Variants in CMIP observed in about 807,000 individuals in gnomAD.
CMIP encodes C-Maf-inducing protein.
Under a neutral mutation model 97.3 loss-of-function variants are expected in CMIP, and 13 were observed. The ratio of observed to expected loss-of-function variants is 0.13; its 90% confidence interval spans 0.09 to 0.21. The LOEUF is 0.21. Among genes scored for constraint, CMIP ranks in the 10% least tolerant of loss-of-function variants. The probability of loss-of-function intolerance (pLI) is 1.00; values close to 1 mark genes in which losing one functional copy is unlikely to be tolerated. For synonymous variants in CMIP, 538 were observed against 436.3 expected, an observed-to-expected ratio of 1.23 and a Z score of -2.91; for missense variants, 847 against 1,024.9, an observed-to-expected ratio of 0.83 and a Z score of 2.37.
intron 1 of CMIP, among the ~76,000 whole-genome samples, chr16:81,509,549 G>A (rs563513134): frequency 1.3e-5 from 2 of 152,178 alleles, no homozygotes; most frequent in Admixed American, 1.3e-4. Context: ...TGATGTGCAG[G>A]TACTCGGGGG....
At chr16:81,667,032 G>A (rs2092611833) in intron 7 of CMIP, 1 of 151,810 alleles carries the variant, frequency 6.6e-6, no homozygotes, top group Non-Finnish European at 1.5e-5. Flanking sequence ...TGAGCCTGTT[G>A]GGGTGGCATG....
At chr16:81,504,821 G>GGT (rs1567548428) in intron 1 of CMIP, among the ~76,000 whole-genome samples, 1 of 152,112 alleles carries the variant, frequency 6.6e-6, no homozygotes, top group Non-Finnish European at 1.5e-5. Context: ...CAAGAGTGAG[G>GGT]GTGTGGAACC....
intron 3 of CMIP, among the ~76,000 whole-genome samples, chr16:81,625,156 C>G (rs2092044697): frequency 6.6e-6 from 1 of 152,230 alleles, no homozygotes; most frequent in African/African-American, 2.4e-5. Flanking sequence ...CCTCCCAGCC[C>G]TCCCGGCCTG....
chr16:81,474,404 C>G (rs1310096770), intron 1 of CMIP, among the ~76,000 whole-genome samples: 1 of 152,130 alleles, frequency 6.6e-6, no homozygotes, highest in Non-Finnish European at 1.5e-5. Flanking sequence ...CTTTCCTTCA[C>G]TCCCTTCCTC....
At chr16:81,574,682 A>G (rs1233543716) in intron 1 of CMIP, among the ~76,000 whole-genome samples, 1 of 152,204 alleles carries the variant, frequency 6.6e-6, no homozygotes, top group African/African-American at 2.4e-5. Flanking sequence ...ACTTCTGAGT[A>G]GGTTTGATGT....
intron 1 of CMIP, among the ~76,000 whole-genome samples, chr16:81,470,183 A>G (rs1319299116): frequency 6.6e-6 from 1 of 152,272 alleles, no homozygotes; most frequent in Non-Finnish European, 1.5e-5. Flanking sequence ...TGAAAGCAAT[A>G]GGGAAATAAA....
At chr16:81,687,493 G>A (rs1226789653) in intron 10 of CMIP, among the ~76,000 whole-genome samples, 1 of 152,204 alleles carries the variant, frequency 6.6e-6, no homozygotes, top group Non-Finnish European at 1.5e-5. Flanking sequence ...CGGAACCCAG[G>A]TGGGGGAACT....
At chr16:81,669,556 C>T (rs992915745) in intron 7 of CMIP, among the ~76,000 whole-genome samples, 2 of 145,918 alleles carry the variant, frequency 1.4e-5, no homozygotes, top group African/African-American at 2.5e-5. Flanking sequence ...ACACCCACTT[C>T]ATACTTCCTT....
chr16:81,679,703 C>T (rs951704823), intron 10 of CMIP, among the ~76,000 whole-genome samples: 2 of 152,010 alleles, frequency 1.3e-5, no homozygotes, highest in Non-Finnish European at 2.9e-5. Context: ...GCCTGTCCCT[C>T]CCCGTCCCTG....
rs556915678 is a variant in CMIP at position 81,626,439 on chromosome 16, A to G, written c.477+5513A>G. 5.0e-5 allele frequency among the ~76,000 whole-genome samples: 6 copies of G among 120,602 alleles called. No homozygotes were observed. In the South Asian group the frequency reaches 1.1e-3, roughly 22 times the overall value. 79.1% of individuals were successfully genotyped at this position (120,602 alleles called of 152,430 possible). A position where few individuals can be genotyped will look rare whatever the true frequency, so the allele number is the denominator to read the frequency against. Reference sequence around the variant, plus strand: ...ATGAGTGTGTGTGGGGTGTGGGATGACTATCTTATGAGTGTGTGTGTGTAT... The same window carrying G: ...ATGAGTGTGTGTGGGGTGTGGGATGGCTATCTTATGAGTGTGTGTGTGTAT... On this transcript the variant is annotated intron_variant, in intron 3 of 20. Coordinates refer to ENST00000537098, the MANE Select transcript of CMIP (RefSeq NM_198390.3).
In CMIP at chr16:81,648,064, C is replaced by T. The variant is rs191221192; in HGVS notation, c.478-4139C>T. Among the ~76,000 whole-genome samples, 1,148 of 148,048 alleles carry T rather than the reference C, an allele frequency of 7.8e-3. 3 individuals carry two copies. The highest frequency in any genetic ancestry group is 0.013 in the Non-Finnish European group (861 of 67,122). ...CTCCCCCTGCTGCTTCCACCGCCTT[C>T]TGGTTACCTGGCCTCCACTCTCAGA... On this transcript the variant is annotated intron_variant, in intron 3 of 20. Coordinates refer to ENST00000537098, the MANE Select transcript of CMIP (RefSeq NM_198390.3).
intron 1 of CMIP, among the ~76,000 whole-genome samples, chr16:81,528,453 T>C (rs2090173180): frequency 6.6e-6 from 1 of 152,142 alleles, no homozygotes. Context: ...TGCTCATGCA[T>C]TGAATTGATA....
intron 7 of CMIP, among the ~76,000 whole-genome samples, chr16:81,667,794 G>GAGAGAGAGAC: frequency 1.0e-5 from 1 of 98,084 alleles, no homozygotes; most frequent in African/African-American, 4.4e-5. Flanking sequence ...GAGAGAGAGA[G>GAGAGAGAGAC]AGAGAGTGTG....
intron 8 of CMIP, among the ~76,000 whole-genome samples, chr16:81,670,771 G>T (rs2092676282): frequency 1.3e-5 from 2 of 152,124 alleles, no homozygotes; most frequent in Non-Finnish European, 2.9e-5. Context: ...CATGGAGAAT[G>T]CTGCGGAAGT....
At chr16:81,681,714 T>C (rs1904893595) in intron 10 of CMIP, among the ~76,000 whole-genome samples, 2 of 152,246 alleles carry the variant, frequency 1.3e-5, no homozygotes. Context: ...ACACCTGGAT[T>C]GCAGGAAACT....
intron 3 of CMIP, among the ~76,000 whole-genome samples, chr16:81,626,473 T>G (rs2092066161): frequency 7.0e-6 from 1 of 143,382 alleles, no homozygotes; most frequent in Admixed American, 7.0e-5. Context: ...ATGTGTGGCA[T>G]GTGGGGTGAC....
At chr16:81,663,099 A>C (rs75934763) in intron 6 of CMIP, among the ~76,000 whole-genome samples, 2 of 22,284 alleles carry the variant, frequency 9.0e-5, no homozygotes, top group Non-Finnish European at 1.5e-4. Flanking sequence ...TTTAACTCCA[A>C]AAAAAAAAAA....
At chr16:81,546,368 C>T (rs1466222029) in intron 1 of CMIP, among the ~76,000 whole-genome samples, 7 of 152,150 alleles carry the variant, frequency 4.6e-5, no homozygotes, top group Admixed American at 2.6e-4. Flanking sequence ...GCATGTAGGG[C>T]GGCGGTCCCT....
At chr16:81,681,756 G>C (rs186854524) in intron 10 of CMIP, among the ~76,000 whole-genome samples, 6 of 152,292 alleles carry the variant, frequency 3.9e-5, no homozygotes, top group Admixed American at 3.9e-4. Context: ...TGCAGCCGTG[G>C]GCCTGAGCTG....
Sources: allele counts gnomAD v4.1 joint callset (sites outside exome capture counted in the v4.1 genomes callset), GRCh38; gene constraint gnomAD v4.1.1; transcripts MANE v1.5; gene names NCBI Gene and HGNC (gene_info 2026-07-23, HGNC 2026-07-21).